The following EXT1 variants were observed in gnomAD, a reference collection of about 807,000 sequenced individuals.
EXT1 encodes exostosin glycosyltransferase 1, also known as exostosin-1.
Under a neutral mutation model 82.5 loss-of-function variants are expected in EXT1, and 20 were observed. The observed-to-expected ratio is 0.24, with a 90% CI of 0.17 to 0.35. The LOEUF (loss-of-function observed/expected upper bound fraction) is 0.35, where lower values mean the gene tolerates loss of function less well. Ranked by LOEUF, EXT1 falls within the 10% of genes least tolerant of loss-of-function variation. The probability of loss-of-function intolerance (pLI) is 1.00; values close to 1 mark genes in which losing one functional copy is unlikely to be tolerated. For missense variants in EXT1, 757 were observed against 936.5 expected, an observed-to-expected ratio of 0.81 and a Z score of 2.50; for synonymous variants, 348 against 350.8, an observed-to-expected ratio of 0.99 and a Z score of 0.09.
At chr8:117,823,060 T>C (rs1272823012) in intron 4 of EXT1, among the ~76,000 whole-genome samples, 2 of 152,180 alleles carry the variant, frequency 1.3e-5, no homozygotes, top group Non-Finnish European at 1.5e-5. Flanking sequence ...CTAGAAGCTA[T>C]TGAGGTTTTC....
At chr8:117,929,833 CG>C (rs1249391412) in intron 1 of EXT1, among the ~76,000 whole-genome samples, 2 of 152,266 alleles carry the variant, frequency 1.3e-5, no homozygotes, top group Non-Finnish European at 2.9e-5. Flanking sequence ...AGCAGCCAGG[CG>C]TGGTGCCTCA....
At chr8:117,830,490 C>T in intron 3 of EXT1, 141 bp from the exon 4 acceptor site, 1 of 910,194 alleles carries the variant, frequency 1.1e-6, no homozygotes, top group Non-Finnish European at 1.6e-6. Flanking sequence ...ATCATCAATT[C>T]CTAAGTTGAA....
intron 1 of EXT1, among the ~76,000 whole-genome samples, chr8:118,085,432 T>C (rs1240849845): frequency 1.3e-5 from 2 of 151,788 alleles, no homozygotes; most frequent in African/African-American, 2.4e-5. Context: ...TATAGATTTA[T>C]GGTACCTAAA....
chr8:117,992,386 A>T (rs1001657275), intron 1 of EXT1, among the ~76,000 whole-genome samples: 1 of 150,224 alleles, frequency 6.7e-6, no homozygotes, highest in Admixed American at 6.7e-5. Flanking sequence ...AATTAGGGAG[A>T]GCAAATATTT....
intron 1 of EXT1, among the ~76,000 whole-genome samples, chr8:118,071,739 C>T (rs17505931): frequency 0.03 from 4,529 of 152,212 alleles, 199 homozygotes; most frequent in African/African-American, 0.1. Flanking sequence ...AGTTTTAAGA[C>T]TTATCAAGAC....
intron 1 of EXT1, among the ~76,000 whole-genome samples, chr8:118,041,463 GGGATAATAATAGTATCTTACCCATA>G (rs1430071150): frequency 5.3e-5 from 8 of 152,096 alleles, no homozygotes; most frequent in Non-Finnish European, 1.2e-4. Flanking sequence ...AATAGGAGTA[GGGATAATAATAGTATCTTACCCATA>G]GGATATTATA....
At position 118,088,677 on chromosome 8, in the gene EXT1, GCCT is replaced by G. The variant is rs1225713045; in HGVS notation, c.962+21405_962+21407del. 3.3e-5 allele frequency among the ~76,000 whole-genome samples: 4 copies of G among 120,952 alleles called. No individual in the cohort carries two copies. The East Asian group carries it at 8.5e-4, about 26-fold the overall frequency. The allele number at this position is 120,952 out of a possible 152,430, so 79.3% of individuals were successfully genotyped here. On this transcript the variant is annotated intron_variant, in intron 1 of 10. Transcript: ENST00000378204. ...AGCCCCACAATGAGAAAAATGTGAT[GCCT>G]TCTCTTTTTTTTTTTTTTCCTCTGC...
chr8:117,966,422 G>T (rs1158795683), intron 1 of EXT1, among the ~76,000 whole-genome samples: 3 of 152,158 alleles, frequency 2.0e-5, no homozygotes, highest in Non-Finnish European at 4.4e-5. Flanking sequence ...TTTCAACAAG[G>T]TCTGTTATAT....
chr8:118,077,986 C>T (rs1187213037), intron 1 of EXT1, among the ~76,000 whole-genome samples: 1 of 152,108 alleles, frequency 6.6e-6, no homozygotes, highest in Non-Finnish European at 1.5e-5. Context: ...TAGTAGTAAT[C>T]ATATTTTGTA....
At chr8:118,001,257 G>A (rs2129810586) in intron 1 of EXT1, among the ~76,000 whole-genome samples, 1 of 152,202 alleles carries the variant, frequency 6.6e-6, no homozygotes, top group Non-Finnish European at 1.5e-5. Context: ...GGTGATCTTG[G>A]CTCATTGCAA....
chr8:118,020,955 T>A (rs1816093346), intron 1 of EXT1, among the ~76,000 whole-genome samples: 1 of 152,198 alleles, frequency 6.6e-6, no homozygotes, highest in Non-Finnish European at 1.5e-5. Flanking sequence ...AAATCTACAT[T>A]CTTTAATGTA....
At chr8:118,001,497 T>C (rs967868015) in intron 1 of EXT1, among the ~76,000 whole-genome samples, 4 of 152,134 alleles carry the variant, frequency 2.6e-5, no homozygotes, top group Non-Finnish European at 5.9e-5. Flanking sequence ...CATCCATTTT[T>C]TTTTTTAATT....
chr8:117,982,514 G>A (rs183711025), intron 1 of EXT1, among the ~76,000 whole-genome samples: 85 of 151,598 alleles, frequency 5.6e-4, no homozygotes, highest in African/African-American at 1.3e-3. Flanking sequence ...TTTTTGAGAC[G>A]GAGTCTTGCT....
At chr8:118,055,228 T>C (rs1186680750) in intron 1 of EXT1, among the ~76,000 whole-genome samples, 1 of 152,220 alleles carries the variant, frequency 6.6e-6, no homozygotes, top group East Asian at 1.9e-4. Context: ...TCTGTATAAA[T>C]GGCATCCTAT....
At chr8:117,980,694 GGTGGTT>G (rs533937148) in intron 1 of EXT1, among the ~76,000 whole-genome samples, 19,281 of 123,074 alleles carry the variant, frequency 0.16, 2,246 homozygotes, top group East Asian at 0.25. Context: ...TTCGGGTGTT[GGTGGTT>G]TTTTTTTTTT....
rs767778554 is a variant in EXT1, at chr8:117,864,768, C to CAA, written c.963-27569_963-27568dup. Among the ~76,000 whole-genome samples, 95 of 117,686 alleles carry CAA rather than the reference C, an allele frequency of 8.1e-4. 1 individual carries two copies. The highest frequency in any genetic ancestry group is 2.4e-3 in the African/African-American group (78 of 32,426). 77.2% of individuals were successfully genotyped at this position (117,686 alleles called of 152,430 possible). A position where few individuals can be genotyped will look rare whatever the true frequency, so the allele number is the denominator to read the frequency against. ...TGCCTCAAAAAAAAAAAAAAAATCG[C>CAA]AAAAAAAAAAAAAAATCTCATAATG... On this transcript the variant is annotated intron_variant, in intron 1 of 10. Coordinates refer to ENST00000378204, the MANE Select transcript of EXT1 (RefSeq NM_000127.3).
At chr8:118,056,081 A>C (rs982962435) in intron 1 of EXT1, among the ~76,000 whole-genome samples, 8 of 152,202 alleles carry the variant, frequency 5.3e-5, no homozygotes, top group African/African-American at 1.9e-4. Flanking sequence ...CTAGGAAAAA[A>C]AAAATCACAG....
In EXT1 at chr8:117,946,969, G is replaced by A. The variant is rs552608573; in HGVS notation, c.963-109768C>T. ...GCCAGTTTTATGATATTTATGGGGC[G>A]GATTTTTGAGGAGTATATGGGTTAC... On this transcript the variant is annotated intron_variant, in intron 1 of 10. Coordinates refer to ENST00000378204, the MANE Select transcript of EXT1 (RefSeq NM_000127.3). Among the ~76,000 whole-genome samples the A allele has an allele frequency of 9.9e-5, 15 of 152,174 alleles. No individual in the cohort carries two copies. In the South Asian group the frequency reaches 2.3e-3, roughly 23 times the overall value.
intron 1 of EXT1, among the ~76,000 whole-genome samples, chr8:117,982,922 C>T (rs1815238488): frequency 6.6e-6 from 1 of 152,186 alleles, no homozygotes; most frequent in Admixed American, 6.5e-5. Flanking sequence ...ACCATTCCTT[C>T]CCATTATTCA....
Sources: gnomAD v4.1 joint callset for allele counts (sites outside exome capture counted in the v4.1 genomes callset) on GRCh38, gnomAD v4.1.1 for gene constraint, MANE v1.5 for transcripts, NCBI Gene and HGNC (gene_info 2026-07-23, HGNC 2026-07-21) for gene names.